Variants in KLF12 observed in about 807,000 individuals in gnomAD.
KLF12 encodes KLF transcription factor 12, also known as Krueppel-like factor 12.
A neutral mutation model predicts 37.8 loss-of-function variants in KLF12; 9 were observed. That is an observed-to-expected ratio of 0.24 (90% CI 0.14 to 0.42). The LOEUF (loss-of-function observed/expected upper bound fraction) is 0.42. Ranked by LOEUF, KLF12 falls within the 10% of genes least tolerant of loss-of-function variation. KLF12 has a pLI of 1.00. For synonymous variants in KLF12, 208 were observed against 202.1 expected (o/e 1.03, Z -0.25); for missense variants, 411 against 516.0 (o/e 0.80, Z 1.97).
At chr13:74,274,964 A>G in the KLF12 span, among the ~76,000 whole-genome samples, 10 of 152,268 alleles carry the variant, frequency 6.6e-5, no homozygotes, top group South Asian at 2.1e-3. Context: ...AGTCTTGGTT[A>G]AGGAGCCTGT....
At chr13:74,083,350 A>G (rs560168970) in intron 1 of KLF12, among the ~76,000 whole-genome samples, 101 of 152,252 alleles carry the variant, frequency 6.6e-4, no homozygotes, top group East Asian at 4.6e-3. Context: ...TAAAAAGTGC[A>G]GAAAAATTAG....
intron 6 of KLF12, among the ~76,000 whole-genome samples, chr13:73,722,903 CCAAGGGGTG>C (rs1876376514): frequency 6.6e-6 from 1 of 151,998 alleles, no homozygotes; most frequent in Admixed American, 6.6e-5. Context: ...TTTTGGGCGC[CCAAGGGGTG>C]CCCTGGGGAT....
chr13:73,773,790 T>C (rs1174909559), intron 5 of KLF12, among the ~76,000 whole-genome samples: 1 of 152,198 alleles, frequency 6.6e-6, no homozygotes. Context: ...TTCATGATGC[T>C]ACAACATCCC....
chr13:73,831,735 T>C (rs2138584940), intron 4 of KLF12, among the ~76,000 whole-genome samples: 1 of 152,252 alleles, frequency 6.6e-6, no homozygotes, highest in East Asian at 1.9e-4. Flanking sequence ...GTTTCCTAAT[T>C]TGGGAAGGGA....
At chr13:74,113,579 T>C (rs1327454813) in intron 1 of KLF12, among the ~76,000 whole-genome samples, 1 of 152,200 alleles carries the variant, frequency 6.6e-6, no homozygotes, top group Non-Finnish European at 1.5e-5. Flanking sequence ...AAACTTACTA[T>C]TGAGATGTAC....
the KLF12 span, among the ~76,000 whole-genome samples, chr13:74,144,184 T>A: frequency 0.027 from 4,179 of 152,276 alleles, 86 homozygotes; most frequent in African/African-American, 0.044. Flanking sequence ...TCCCATTGCA[T>A]ACAATGAGGA....
intron 2 of KLF12, among the ~76,000 whole-genome samples, chr13:73,972,895 T>C (rs972428579): frequency 6.6e-6 from 1 of 152,016 alleles, no homozygotes; most frequent in Non-Finnish European, 1.5e-5. Context: ...TACAAGGTAC[T>C]GGGCATGATG....
intron 7 of KLF12, 32 bp from the exon 8 acceptor site, chr13:73,695,703 G>A: frequency 2.5e-6 from 4 of 1,601,758 alleles, no homozygotes; most frequent in Non-Finnish European, 3.4e-6. Context: ...AAGCTTTGGT[G>A]CTCCATCCAT....
At chr13:74,224,384 C>T in the KLF12 span, among the ~76,000 whole-genome samples, 3 of 152,162 alleles carry the variant, frequency 2.0e-5, no homozygotes, top group African/African-American at 7.2e-5. Context: ...ATATCTATGA[C>T]ATCCAGGATC....
intron 6 of KLF12, among the ~76,000 whole-genome samples, chr13:73,761,389 T>G (rs1879536957): frequency 6.6e-6 from 1 of 152,122 alleles, no homozygotes; most frequent in Admixed American, 6.5e-5. Flanking sequence ...CTCTCCTTCT[T>G]TCTACCAGGA....
chr13:74,253,059 TATC>T, the KLF12 span, among the ~76,000 whole-genome samples: 1 of 152,162 alleles, frequency 6.6e-6, no homozygotes, highest in African/African-American at 2.4e-5. Flanking sequence ...ATCATCTATC[TATC>T]ATCTTTAAAC....
intron 3 of KLF12, among the ~76,000 whole-genome samples, chr13:73,898,613 T>C (rs940026689): frequency 6.6e-6 from 1 of 152,178 alleles, no homozygotes; most frequent in African/African-American, 2.4e-5. Context: ...ATGTGTCCTC[T>C]GTCTGGGATG....
chr13:73,782,693 T>C (rs1881039993), intron 5 of KLF12, among the ~76,000 whole-genome samples: 1 of 152,236 alleles, frequency 6.6e-6, no homozygotes, highest in South Asian at 2.1e-4. Flanking sequence ...ATACTAATTA[T>C]CTGCTGATTA....
At chr13:74,182,377 T>C in the KLF12 span, among the ~76,000 whole-genome samples, 1 of 152,236 alleles carries the variant, frequency 6.6e-6, no homozygotes. Flanking sequence ...TCTATGGTTA[T>C]CAGAGAATTA....
chr13:73,929,417 A>G (rs1889559297), intron 3 of KLF12, among the ~76,000 whole-genome samples: 1 of 152,222 alleles, frequency 6.6e-6, no homozygotes, highest in Non-Finnish European at 1.5e-5. Flanking sequence ...CAGGTTACAC[A>G]AAGTGTCAGA....
At chr13:74,222,724 T>G in the KLF12 span, among the ~76,000 whole-genome samples, 2 of 152,204 alleles carry the variant, frequency 1.3e-5, no homozygotes, top group Non-Finnish European at 2.9e-5. Context: ...TTTAATAGCC[T>G]AAATAAAATA....
chr13:74,124,983 A>G (rs2138998554), intron 1 of KLF12, among the ~76,000 whole-genome samples: 2 of 152,062 alleles, frequency 1.3e-5, no homozygotes, highest in Middle Eastern at 6.8e-3. Flanking sequence ...CGTCTCTACT[A>G]AAAGCACAAA....
chr13:74,106,842 T>G (rs368769906), intron 1 of KLF12, among the ~76,000 whole-genome samples: 1 of 152,200 alleles, frequency 6.6e-6, no homozygotes, highest in African/African-American at 2.4e-5. Flanking sequence ...TTATGCTTCC[T>G]CTATATTATG....
At chr13:73,902,503 G>A (rs557853768) in intron 3 of KLF12, among the ~76,000 whole-genome samples, 2 of 152,252 alleles carry the variant, frequency 1.3e-5, no homozygotes, top group South Asian at 2.1e-4. Context: ...GTTCACAGAC[G>A]TGCTTACTGG....
Sources: allele counts gnomAD v4.1 joint callset (sites outside exome capture counted in the v4.1 genomes callset), GRCh38; gene constraint gnomAD v4.1.1; transcripts MANE v1.5; gene names NCBI Gene and HGNC (gene_info 2026-07-23, HGNC 2026-07-21).